NUP98: variants seen among roughly 807,000 people sequenced by gnomAD.
NUP98 encodes nucleoporin 98 and 96 precursor.
In NUP98, 26 loss-of-function variants were observed where a neutral mutation model predicts 191.9. The observed-to-expected ratio is 0.14, with a 90% CI of 0.10 to 0.19. The LOEUF (loss-of-function observed/expected upper bound fraction) is 0.19. Among genes scored for constraint, NUP98 ranks in the 10% least tolerant of loss-of-function variants. The pLI, the probability that NUP98 is intolerant of heterozygous loss-of-function variation, is 1.00. For missense variants in NUP98, 1,941 were observed against 2,178.8 expected (o/e 0.89, Z 2.17); for synonymous variants, 808 against 778.4 (o/e 1.04, Z -0.63).
chr11:3,797,547 C>G lies in NUP98; in HGVS notation c.-176G>C, dbSNP rs1056267413. On this transcript the variant is annotated 5_prime_UTR_variant, in exon 1 of 33. Transcript: ENST00000324932. Reference sequence around the variant, plus strand: ...GCTTCGGGCGCAGCGCGCAGAGGGCCCGACTGCGTCACACGCCGCCCGGCG... The same window carrying G: ...GCTTCGGGCGCAGCGCGCAGAGGGCGCGACTGCGTCACACGCCGCCCGGCG... 1.5e-5 allele frequency: 7 copies of G among 480,530 alleles called. No individual in the cohort carries two copies. The highest frequency in any genetic ancestry group is 1.0e-4 in the African/African-American group (5 of 48,956). The allele number at this position is 480,530 out of a possible 1,614,324, so 29.8% of individuals were successfully genotyped here. A position where few individuals can be genotyped will look rare whatever the true frequency, so the allele number is the denominator to read the frequency against.
intron 1 of NUP98, among the ~76,000 whole-genome samples, chr11:3,795,561 G>T (rs1739674949): frequency 6.6e-6 from 1 of 152,078 alleles, no homozygotes; most frequent in African/African-American, 2.4e-5. Context: ...CTACTGTTAG[G>T]TATAACTCCT....
chr11:3,726,507 T>C (rs888325209), intron 14 of NUP98, among the ~76,000 whole-genome samples: 2 of 148,516 alleles, frequency 1.3e-5, no homozygotes, highest in Non-Finnish European at 3.0e-5. Flanking sequence ...TAGGTGTCCC[T>C]ATAGACGCCA....
At chr11:3,730,796 G>C (rs757930243) in intron 14 of NUP98, among the ~76,000 whole-genome samples, 2 of 148,496 alleles carry the variant, frequency 1.3e-5, no homozygotes, top group South Asian at 4.3e-4. Flanking sequence ...AGTGAGACCT[G>C]AACTTTTAAA....
At chr11:3,700,403 C>A (rs929470190) in intron 24 of NUP98, among the ~76,000 whole-genome samples, 1 of 151,714 alleles carries the variant, frequency 6.6e-6, no homozygotes, top group East Asian at 1.9e-4. Flanking sequence ...AGAATTTGTA[C>A]ATTAATGGGT....
At chr11:3,704,359 T>C (rs750795921) in intron 22 of NUP98, among the ~76,000 whole-genome samples, 15 of 152,212 alleles carry the variant, frequency 9.9e-5, no homozygotes, top group Non-Finnish European at 1.9e-4. Context: ...CAATCCCACA[T>C]AGTTACAAGC....
rs1490380224 is a variant in NUP98, at chr11:3,696,423, AC to A, written c.4010-818del. 3.3e-5 allele frequency among the ~76,000 whole-genome samples: 5 copies of A among 151,904 alleles called. No homozygotes were observed. In the East Asian group the frequency reaches 9.7e-4, roughly 29 times the overall value. ...AGGCTGAGACACGAGAACCACTTGA[AC>A]CCAGAAGGCAGAAGTTGCAGTAAAC... On this transcript the variant is annotated intron_variant, in intron 25 of 32. Coordinates refer to ENST00000324932, the MANE Select transcript of NUP98 (RefSeq NM_016320.5).
chr11:3,729,715 CAAAAAAAAAA>C (rs755816362), intron 14 of NUP98, among the ~76,000 whole-genome samples: 4 of 37,410 alleles, frequency 1.1e-4, no homozygotes, highest in Admixed American at 4.2e-4. Flanking sequence ...ACTCTTGCCT[CAAAAAAAAAA>C]AAAAAAAAAA....
chr11:3,755,586 GATT>G (rs1475720711), intron 10 of NUP98, among the ~76,000 whole-genome samples: 1 of 152,070 alleles, frequency 6.6e-6, no homozygotes, highest in African/African-American at 2.4e-5. Context: ...CCAGTATTTG[GATT>G]ATTATCTCAA....
Position 3,778,277 on chromosome 11 carries a change from A to C in NUP98, c.355+596T>G, listed in dbSNP as rs1000635384. On this transcript the variant is annotated intron_variant, in intron 4 of 32. Coordinates refer to ENST00000324932, the MANE Select transcript of NUP98 (RefSeq NM_016320.5). ...CATTCTTCCATACTCTTGTGCCAGG[A>C]ATGGAATCACTTGATAAAGCATACC... is the stretch of plus-strand genomic sequence containing the variant. Among the ~76,000 whole-genome samples the C allele has an allele frequency of 4.6e-5, 7 of 152,056 alleles. No homozygotes were observed. The East Asian group carries it at 9.6e-4, about 21-fold the overall frequency.
intron 10 of NUP98, among the ~76,000 whole-genome samples, chr11:3,756,129 C>CA (rs1342327070): frequency 1.3e-5 from 2 of 151,964 alleles, no homozygotes; most frequent in Non-Finnish European, 2.9e-5. Flanking sequence ...GATGAAAACA[C>CA]AAAAAATGTA....
At chr11:3,676,935 C>T (rs938581919) in intron 31 of NUP98, among the ~76,000 whole-genome samples, 1 of 152,144 alleles carries the variant, frequency 6.6e-6, no homozygotes, top group African/African-American at 2.4e-5. Context: ...GGTATGACTT[C>T]TAAAGAGCAC....
chr11:3,688,557 G>A (rs926238258), intron 28 of NUP98, among the ~76,000 whole-genome samples: 14 of 151,700 alleles, frequency 9.2e-5, no homozygotes, highest in African/African-American at 3.1e-4. Context: ...CACTTTGGGA[G>A]GCCGAGGCAG....
intron 20 of NUP98, among the ~76,000 whole-genome samples, chr11:3,707,477 A>T: frequency 6.6e-6 from 1 of 151,996 alleles, no homozygotes; most frequent in Non-Finnish European, 1.5e-5. Flanking sequence ...ACTGGGTTTG[A>T]TGGCTCAAGC....
chr11:3,688,593 G>A (rs2078201757), intron 28 of NUP98, among the ~76,000 whole-genome samples: 2 of 150,892 alleles, frequency 1.3e-5, no homozygotes, highest in African/African-American at 2.4e-5. Context: ...TCAGGAGTTC[G>A]AGACCAGCCT....
rs1388491711 is a variant in NUP98 at position 3,713,861 on chromosome 11, T to C, written c.2534A>G (p.Gln845Arg). The C allele has an allele frequency of 6.2e-7, 1 of 1,614,042 alleles. No individual in the cohort carries two copies. Among genetic ancestry groups the C allele is most frequent in the East Asian group, 2.2e-5 (1 of 44,886 alleles). ...AGTTTCAGGCCGGTATTCTTTGAAT[T>C]GAGCTCCCTGTTTCCTTGAAACTGC... The part of the protein sequence containing the change: ...LEAVSRKQGA[Q>R]FKEYRPETGS... Residue 845 changes from glutamine (Q) to arginine (R), a missense_variant, in exon 19 of 33, where the codon CAA becomes CGA. Coordinates refer to ENST00000324932, the MANE Select transcript of NUP98 (RefSeq NM_016320.5).
intron 2 of NUP98, among the ~76,000 whole-genome samples, chr11:3,781,643 T>C (rs2081974546): frequency 6.6e-6 from 1 of 152,114 alleles, no homozygotes; most frequent in Non-Finnish European, 1.5e-5. Context: ...AATTAGACAC[T>C]TCCACATTTT....
At chr11:3,687,898 C>T (rs61879792) in intron 28 of NUP98, among the ~76,000 whole-genome samples, 14,305 of 151,722 alleles carry the variant, frequency 0.094, 874 homozygotes, top group Non-Finnish European at 0.14. Context: ...GGTGCAGTGA[C>T]TCATGCCTGT....
chr11:3,714,925 T>C (rs2079132575), intron 18 of NUP98: 1 of 152,250 alleles, frequency 6.6e-6, no homozygotes, highest in African/African-American at 2.4e-5. Context: ...TTTTACCTAC[T>C]GGCTGTTGTG....
intron 10 of NUP98, among the ~76,000 whole-genome samples, chr11:3,757,094 A>AT (rs938125136): frequency 3.1e-4 from 44 of 144,000 alleles, no homozygotes; most frequent in East Asian, 2.6e-3. Flanking sequence ...TCTCAAAAAA[A>AT]AAATATATAT....
Sources: allele counts gnomAD v4.1 joint callset (sites outside exome capture counted in the v4.1 genomes callset), GRCh38; gene constraint gnomAD v4.1.1; transcripts MANE v1.5; gene names NCBI Gene and HGNC (gene_info 2026-07-23, HGNC 2026-07-21).